The following TJP3 variants were observed in gnomAD, a reference collection of about 807,000 sequenced individuals.
TJP3 encodes the protein tight junction protein ZO-3.
TJP3 carries 85 observed loss-of-function variants against 104.2 expected under a neutral mutation model. The observed-to-expected ratio is 0.82, with a 90% CI of 0.68 to 0.98. TJP3 has a LOEUF of 0.98. Ranked by LOEUF, TJP3 falls within the 50% of genes least tolerant of loss-of-function variation. TJP3 has a pLI of 0.00. For missense variants in TJP3, 1,367 were observed against 1,322.8 expected, an observed-to-expected ratio of 1.03 and a Z score of -0.52; for synonymous variants, 550 against 550.6, an observed-to-expected ratio of 1.00 and a Z score of 0.02.
Position 3,750,590 on chromosome 19 carries a change from A to G in TJP3, c.2666A>G (p.Glu889Gly). The change falls in exon 21 of 21, where the codon GAA (glutamate) becomes GGA (glycine). Residue 889 changes from glutamate to glycine, a missense_variant. Physicochemically the swap from Glu to Gly is moderately conservative, Grantham distance 98 (BLOSUM62 -2). Transcript: ENST00000541714. Reference sequence around the variant, plus strand: ...TATTTCCTGATCCCCAGAACCTATGAACGGGAAGCCCTGAAGAAAAAGTTT... The same window carrying G: ...TATTTCCTGATCCCCAGAACCTATGGACGGGAAGCCCTGAAGAAAAAGTTT... ...QWRQDSMRTYEREALKKKFMR... is the reference protein window; with the variant it reads ...QWRQDSMRTYGREALKKKFMR... 6.2e-7 allele frequency: 1 copy of G among 1,604,826 alleles called. No homozygotes were observed. Among genetic ancestry groups the G allele is most frequent in the South Asian group, 1.1e-5 (1 of 89,378 alleles).
chr19:3,730,610 G>T lies in TJP3; in HGVS notation c.517G>T (p.Gly173Trp). 1 of 1,611,714 alleles carries T rather than the reference G, an allele frequency of 6.2e-7. No individual in the cohort carries two copies. Among genetic ancestry groups the T allele is most frequent in the Non-Finnish European group, 8.5e-7 (1 of 1,179,864 alleles). Residue 173 changes from glycine to tryptophan, a missense_variant, in exon 5 of 21, where the codon GGG becomes TGG. Gly to Trp is a radical substitution (Grantham distance 184). Coordinates refer to ENST00000541714, the MANE Select transcript of TJP3 (RefSeq NM_001267560.2). This position sits in a 1 kb window ranked among gnomAD's most constrained non-coding sequence, Gnocchi z 7.3. The part of the protein sequence containing the change: ...RSPGGGSEAN[G>W]LALVSGFKRL... ...CCCAGGTGGTGGCTCTGAGGCCAAC[G>T]GGCTGGCCCTGGTGTCCGGCTTTAA...
chr19:3,717,726 A>C (rs2145666782), intron 1 of TJP3, among the ~76,000 whole-genome samples: 1 of 151,936 alleles, frequency 6.6e-6, no homozygotes, highest in Admixed American at 6.6e-5. Flanking sequence ...GAGCCACTGC[A>C]CCCTGCCTAA....
At chr19:3,734,049 C>T (rs994965762) in intron 7 of TJP3, 137 bp downstream of exon 7, 17 of 1,198,906 alleles carry the variant, frequency 1.4e-5, no homozygotes, top group Non-Finnish European at 1.8e-5. Context: ...CTGAAGGCCA[C>T]ACAGCAAGTC....
rs149155295 is a variant in TJP3, at chr19:3,747,209, C to T, written c.2322+333C>T. ...CCGAGTAGCTGGGACTACAGGCGAG[C>T]GCTACCAGGCCCAGCTAATTTTTGT... is the stretch of plus-strand genomic sequence containing the variant. On this transcript the variant is annotated intron_variant, in intron 18 of 20. Coordinates refer to ENST00000541714, the MANE Select transcript of TJP3 (RefSeq NM_001267560.2). Among the ~76,000 whole-genome samples, 765 of 151,522 alleles carry T rather than the reference C, an allele frequency of 5.0e-3. 4 individuals are homozygous for T. The highest frequency in any genetic ancestry group is 0.017 in the African/African-American group (720 of 41,276).
chr19:3,734,741 G>A (rs1368161704), intron 8 of TJP3, among the ~76,000 whole-genome samples: 2 of 152,142 alleles, frequency 1.3e-5, no homozygotes, highest in African/African-American at 2.4e-5. Flanking sequence ...GATCATCTGA[G>A]GTTAGGAGTT....
At chr19:3,743,823 T>C (rs1187053978) in intron 14 of TJP3, 116 bp from the exon 15 acceptor site, 6 of 910,214 alleles carry the variant, frequency 6.6e-6, no homozygotes, top group South Asian at 6.2e-5. Flanking sequence ...TGGGTAGCTA[T>C]GGTCCTGGTT....
chr19:3,739,276 G>C, intron 13 of TJP3, 142 bp downstream of exon 13: 1 of 670,376 alleles, frequency 1.5e-6, no homozygotes, highest in Non-Finnish European at 2.3e-6. Flanking sequence ...CAGATCATGA[G>C]GTCAAGAGAT....
chr19:3,737,567 C>G (rs965424257), intron 11 of TJP3, among the ~76,000 whole-genome samples: 3 of 152,120 alleles, frequency 2.0e-5, no homozygotes, highest in African/African-American at 4.8e-5. Context: ...CTTGCCTCAT[C>G]TCATCCCCAG....
At chr19:3,714,911 C>G (rs561124239) in intron 1 of TJP3, among the ~76,000 whole-genome samples, 43 of 152,214 alleles carry the variant, frequency 2.8e-4, no homozygotes, top group Non-Finnish European at 5.1e-4. Flanking sequence ...ACGTCATATA[C>G]TTGGCTTGCA....
chr19:3,720,357 T>G (rs935228935), intron 1 of TJP3, among the ~76,000 whole-genome samples: 2 of 152,206 alleles, frequency 1.3e-5, no homozygotes, highest in African/African-American at 4.8e-5. Context: ...TCGGGGACCC[T>G]CTAAGACTTT....
At chr19:3,743,720 T>G in intron 14 of TJP3, 2 of 500,314 alleles carry the variant, frequency 4.0e-6, no homozygotes, top group Admixed American at 3.6e-5. Flanking sequence ...AACCCAGAAA[T>G]GTACACATCA....
chr19:3,723,655 G>C (rs2036565641), intron 1 of TJP3, among the ~76,000 whole-genome samples: 1 of 151,744 alleles, frequency 6.6e-6, no homozygotes, highest in East Asian at 1.9e-4. Flanking sequence ...AGCCGGGCGT[G>C]GTGGTTGGAC....
chr19:3,750,312 C>T, intron 20 of TJP3, 128 bp downstream of exon 20: 1 of 1,306,648 alleles, frequency 7.7e-7, no homozygotes, highest in South Asian at 1.3e-5. Flanking sequence ...ACAGAGCCTG[C>T]CAGAGCCTCT....
rs373280546 is a variant in TJP3, at chr19:3,730,544, C to A, written c.451C>A (p.Pro151Thr). 298 of 1,602,478 alleles carry A rather than the reference C, an allele frequency of 1.9e-4. 1 individual carries two copies. Among genetic ancestry groups the A allele is most frequent in the Non-Finnish European group, 2.4e-4 (286 of 1,177,006 alleles). ...SWDERSRRPR[P>T]GRRGRAGSHG... ...GGACGAGCGCTCCCGCCGGCCGAGG[C>A]CTGGTCGCCGGGGCCGGGCCGGCAG... The change falls in exon 5 of 21, where the codon CCT (proline) becomes ACT (threonine). Residue 151 changes from proline (P) to threonine (T), a missense_variant. By Grantham distance (38) the Pro-to-Thr change is conservative. Transcript: ENST00000541714. The surrounding 1 kb of genome is among the most constrained non-coding windows in gnomAD (Gnocchi z 7.3).
intron 19 of TJP3, among the ~76,000 whole-genome samples, chr19:3,749,148 G>T (rs1002407932): frequency 6.6e-6 from 1 of 151,740 alleles, no homozygotes; most frequent in Non-Finnish European, 1.5e-5. Flanking sequence ...GATTAGAGGC[G>T]TGAGCCACCG....
chr19:3,721,924 C>CA, intron 1 of TJP3: 1 of 1,196,076 alleles, frequency 8.4e-7, no homozygotes, highest in Non-Finnish European at 1.0e-6. Flanking sequence ...AGTAACCCTC[C>CA]AAGGGTGGCA....
At chr19:3,739,712 G>T (rs150598622) in intron 13 of TJP3, among the ~76,000 whole-genome samples, 1 of 152,098 alleles carries the variant, frequency 6.6e-6, no homozygotes, top group African/African-American at 2.4e-5. Context: ...GCAGGCCTGG[G>T]CCCTCCCAGA....
chr19:3,738,700 CG>C, intron 12 of TJP3, 37 bp downstream of exon 12: 3 of 1,571,234 alleles, frequency 1.9e-6, no homozygotes, highest in Non-Finnish European at 2.6e-6. Flanking sequence ...CTGTGTGTTG[CG>C]GGGGGAGGAC....
rs1402591647 is a variant in TJP3 at position 3,733,922 on chromosome 19, T to G, written c.877+10T>G. On this transcript the variant is annotated intron_variant, in intron 7 of 20. Coordinates refer to ENST00000541714, the MANE Select transcript of TJP3 (RefSeq NM_001267560.2). ...AGCTCGCCATTGGAGGGTGAGGACC[T>G]AGAGGTTAGGACCTGGGAGGGGGTT... The G allele has an allele frequency of 2.5e-6, 4 of 1,612,942 alleles. No individual in the cohort carries two copies. In the Admixed American group the frequency reaches 5.0e-5, roughly 20 times the overall value.
Sources: gnomAD v4.1 joint callset for allele counts (sites outside exome capture counted in the v4.1 genomes callset) on GRCh38, gnomAD v4.1.1 for gene constraint, Gnocchi (gnomAD v3.1) non-coding constraint, MANE v1.5 for transcripts, NCBI Gene and HGNC (gene_info 2026-07-23, HGNC 2026-07-21) for gene names.